The following ERCC1 variants were observed in gnomAD, a reference collection of about 807,000 sequenced individuals.
ERCC1 encodes DNA excision repair protein ERCC-1.
ERCC1 carries 36 observed loss-of-function variants against 37.6 expected under a neutral mutation model. The ratio of observed to expected loss-of-function variants is 0.96; its 90% confidence interval spans 0.73 to 1.26. ERCC1 has a LOEUF of 1.26. ERCC1 is among the 50% of genes most tolerant of loss of function. The pLI is 0.00. For missense variants in ERCC1, 349 were observed against 376.5 expected (o/e 0.93, Z 0.60); for synonymous variants, 156 against 162.1 (o/e 0.96, Z 0.28).
intron 1 of ERCC1, among the ~76,000 whole-genome samples, chr19:45,437,953 G>T (rs549656783): frequency 3.7e-4 from 56 of 151,848 alleles, no homozygotes; most frequent in African/African-American, 1.3e-3. Context: ...TGCTGCCCAG[G>T]CTGGAGTGCA....
intron 2 of ERCC1, 27 bp from the exon 3 acceptor site, chr19:45,421,420 G>A: frequency 6.4e-7 from 1 of 1,553,156 alleles, no homozygotes; most frequent in East Asian, 2.3e-5. Context: ...AGTTTGCAGG[G>A]GACTGGTTGG....
At chr19:45,422,735 C>T (rs1974512924) in intron 2 of ERCC1, among the ~76,000 whole-genome samples, 2 of 151,972 alleles carry the variant, frequency 1.3e-5, no homozygotes, top group African/African-American at 2.4e-5. Flanking sequence ...CCAGCCTGGG[C>T]AAAAGAGCGA....
At chr19:45,447,500 C>G (rs1018804087) in intron 1 of ERCC1, among the ~76,000 whole-genome samples, 3 of 152,062 alleles carry the variant, frequency 2.0e-5, no homozygotes, top group Non-Finnish European at 4.4e-5. Context: ...GTCTTGAACT[C>G]CTGACCTCAG....
intron 1 of ERCC1, among the ~76,000 whole-genome samples, chr19:45,450,995 C>T (rs1967104394): frequency 6.6e-6 from 1 of 151,448 alleles, no homozygotes; most frequent in Admixed American, 6.6e-5. Context: ...GGTGGCGCGG[C>T]CGCACAGGGC....
rs1001685770 is a variant in ERCC1 at position 45,414,877 on chromosome 19, T to C, written c.686A>G (p.Gln229Arg). 6.2e-7 allele frequency: 1 copy of C among 1,613,342 alleles called. No individual in the cohort carries two copies. Among genetic ancestry groups the C allele is most frequent in the African/African-American group, 1.3e-5 (1 of 74,900 alleles). ...TGGCCTCACCCGGGAGACGAAGTCC[T>C]GCTCTAGCTTCTCCATCAGGAGGTC... ...PADLLMEKLE[Q>R]DFVSRVTECL... The change falls in exon 7 of 10, where the codon CAG (glutamine) becomes CGG (arginine). Residue 229 changes from glutamine to arginine, a missense_variant. Gln to Arg is a conservative substitution (Grantham distance 43). Coordinates refer to ENST00000300853, the MANE Select transcript of ERCC1 (RefSeq NM_001983.4).
chr19:45,445,728 C>G (rs971800811), intron 1 of ERCC1, among the ~76,000 whole-genome samples: 1 of 152,004 alleles, frequency 6.6e-6, no homozygotes, highest in African/African-American at 2.4e-5. Context: ...ACAGAGAGAA[C>G]GTGGGGAGGG....
intron 7 of ERCC1, 40 bp downstream of exon 7, chr19:45,414,821 G>T: frequency 7.1e-7 from 1 of 1,418,274 alleles, no homozygotes; most frequent in Non-Finnish European, 1.0e-6. Flanking sequence ...CAGGAGCTGC[G>T]GGGAGGCCCA....
rs148669652 is a variant in ERCC1 at position 45,408,871 on chromosome 19, A to G, written c.*804T>C. 49 of 1,614,214 alleles carry G rather than the reference A, an allele frequency of 3.0e-5. No homozygotes were observed. In the African/African-American group the frequency reaches 6.1e-4, roughly 20 times the overall value. ...AAAAGGGGACGGAAGGGATGGAGCC[A>G]GAGGAGGGGGTGACAGTTGAGTCTC... On this transcript the variant is annotated 3_prime_UTR_variant, in exon 10 of 10. Coordinates refer to ENST00000300853, the MANE Select transcript of ERCC1 (RefSeq NM_001983.4).
intron 1 of ERCC1, among the ~76,000 whole-genome samples, chr19:45,434,499 A>C (rs1974923160): frequency 6.6e-6 from 1 of 152,188 alleles, no homozygotes; most frequent in Non-Finnish European, 1.5e-5. Flanking sequence ...CTCAAAAAAA[A>C]GAAAAGAGAA....
At chr19:45,445,262 C>T (rs1449612840) in intron 1 of ERCC1, among the ~76,000 whole-genome samples, 1 of 152,204 alleles carries the variant, frequency 6.6e-6, no homozygotes, top group African/African-American at 2.4e-5. Context: ...GTGATCCACC[C>T]ACCTTGGCCA....
chr19:45,423,249 C>A (rs769868711), intron 2 of ERCC1, 21 bp downstream of exon 2: 1 of 1,605,878 alleles, frequency 6.2e-7, no homozygotes, highest in African/African-American at 1.3e-5. Flanking sequence ...CTCCCAGGGG[C>A]CCCGCATCTC....
At chr19:45,439,951 G>A (rs961420054) in intron 1 of ERCC1, among the ~76,000 whole-genome samples, 1 of 152,150 alleles carries the variant, frequency 6.6e-6, no homozygotes, top group Non-Finnish European at 1.5e-5. Context: ...GCCGCGCTCC[G>A]AGCCGAGCCC....
At chr19:45,418,765 G>A (rs1454025413) in intron 5 of ERCC1, among the ~76,000 whole-genome samples, 4 of 152,156 alleles carry the variant, frequency 2.6e-5, no homozygotes, top group African/African-American at 9.7e-5. Context: ...GAAGGCTGCA[G>A]TGAGCCAAGA....
intron 1 of ERCC1, among the ~76,000 whole-genome samples, chr19:45,435,021 G>A (rs1372315282): frequency 1.3e-5 from 2 of 151,878 alleles, no homozygotes; most frequent in Non-Finnish European, 2.9e-5. Context: ...GACCTCAGGT[G>A]ATCCACCTGC....
rs112686421 is a variant in ERCC1, at chr19:45,447,874, AT to A, written c.-7-24494del. Among the ~76,000 whole-genome samples, 721 of 142,496 alleles carry A rather than the reference AT, an allele frequency of 5.1e-3. 2 individuals carry two copies. The highest frequency in any genetic ancestry group is 0.011 in the African/African-American group (424 of 38,628). The allele number at this position is 142,496 out of a possible 152,430, so 93.5% of individuals were successfully genotyped here. On this transcript the variant is annotated intron_variant, in intron 1 of 8. Transcript: ENST00000423698. ...AATTCTCTGGGCTTCTTTCTCTGAG[AT>A]TTTTTTTTTTTTTTGAGATAGTATC...
intron 7 of ERCC1, 37 bp downstream of exon 7, chr19:45,414,824 G>A: frequency 6.9e-7 from 1 of 1,444,328 alleles, no homozygotes. Context: ...GAGCTGCGGG[G>A]AGGCCCAGGC....
chr19:45,430,313 T>C (rs550784188), intron 1 of ERCC1, among the ~76,000 whole-genome samples: 128 of 152,360 alleles, frequency 8.4e-4, no homozygotes, highest in African/African-American at 3.0e-3. Flanking sequence ...CGCATGATTC[T>C]GAGCCTTATC....
At chr19:45,425,474 C>T (rs1204357885), upstream of ERCC1, among the ~76,000 whole-genome samples, 4 of 151,866 alleles carry the variant, frequency 2.6e-5, no homozygotes, top group African/African-American at 4.8e-5. Flanking sequence ...CTGCAACCTC[C>T]GCCACCCACA....
At chr19:45,424,126 C>T (rs1244342167), upstream of ERCC1, 22 of 952,662 alleles carry the variant, frequency 2.3e-5, no homozygotes, top group South Asian at 9.9e-5. Flanking sequence ...GAACAGATCG[C>T]AGGAGATCCA....
Sources: allele counts gnomAD v4.1 joint callset (sites outside exome capture counted in the v4.1 genomes callset), GRCh38; gene constraint gnomAD v4.1.1; transcripts MANE v1.5; gene names NCBI Gene and HGNC (gene_info 2026-07-23, HGNC 2026-07-21).